ACER1: variants seen among roughly 807,000 people sequenced by gnomAD.
ACER1 encodes the protein CTB-180A7.3.
Under a neutral mutation model 24.9 loss-of-function variants are expected in ACER1, and 28 were observed. The observed-to-expected ratio is 1.13, with a 90% CI of 0.83 to 1.54. The LOEUF is 1.54. ACER1 is among the 40% of genes most tolerant of loss of function. The pLI is 0.00. For missense variants in ACER1, 352 were observed against 349.3 expected (o/e 1.01, Z -0.06); for synonymous variants, 132 against 131.4 (o/e 1.00, Z -0.03).
the ACER1 span, among the ~76,000 whole-genome samples, chr19:6,353,851 T>TAATAA: frequency 1.8e-4 from 27 of 150,302 alleles, no homozygotes; most frequent in South Asian, 3.6e-3. Context: ...TACAATAAAA[T>TAATAA]AATAAAATAA....
chr19:6,354,214 G>A, the ACER1 span, among the ~76,000 whole-genome samples: 1 of 151,244 alleles, frequency 6.6e-6, no homozygotes, highest in South Asian at 2.1e-4. Context: ...AAATAAATAA[G>A]TAAATAAATA....
chr19:6,312,665 C>T (rs2091587899), intron 1 of ACER1, among the ~76,000 whole-genome samples, 166 bp from the exon 2 acceptor site: 1 of 145,864 alleles, frequency 6.9e-6, no homozygotes, highest in Admixed American at 6.8e-5. Flanking sequence ...TTTCAGCCGA[C>T]CCTTTTTTTT....
chr19:6,332,028 G>A (rs1201897224), intron 1 of ACER1, among the ~76,000 whole-genome samples: 4 of 147,118 alleles, frequency 2.7e-5, no homozygotes, highest in Non-Finnish European at 6.0e-5. Context: ...GTGCAATGGT[G>A]CGATCTCGGC....
chr19:6,352,725 G>T, the ACER1 span, among the ~76,000 whole-genome samples: 2 of 152,194 alleles, frequency 1.3e-5, no homozygotes, highest in South Asian at 2.1e-4. Flanking sequence ...TTGAAATTTG[G>T]TGTCAACTTT....
the ACER1 span, among the ~76,000 whole-genome samples, chr19:6,351,844 C>A: frequency 3.3e-5 from 5 of 152,000 alleles, no homozygotes; most frequent in African/African-American, 7.2e-5. Flanking sequence ...ATCACAACGC[C>A]AGGAGATCAA....
At chr19:6,322,336 G>A (rs1426593770) in intron 1 of ACER1, among the ~76,000 whole-genome samples, 1 of 152,172 alleles carries the variant, frequency 6.6e-6, no homozygotes, top group Non-Finnish European at 1.5e-5. Flanking sequence ...CTATTTAAAA[G>A]GATGCTTTTG....
intron 1 of ACER1, among the ~76,000 whole-genome samples, chr19:6,333,098 C>CT: frequency 6.6e-6 from 1 of 152,070 alleles, no homozygotes; most frequent in South Asian, 2.1e-4. Flanking sequence ...CTGATTGGCC[C>CT]ACCCCCTCTA....
intron 1 of ACER1, among the ~76,000 whole-genome samples, chr19:6,331,081 C>A (rs1425559925): frequency 6.7e-6 from 1 of 149,424 alleles, no homozygotes; most frequent in Non-Finnish European, 1.5e-5. Context: ...TCTAACTCCC[C>A]ATGTCACTGT....
chr19:6,341,405 G>A, the ACER1 span, among the ~76,000 whole-genome samples: 1 of 150,772 alleles, frequency 6.6e-6, no homozygotes, highest in African/African-American at 2.4e-5. Context: ...CACACGTGTG[G>A]TCTTAACTTC....
upstream of ACER1, among the ~76,000 whole-genome samples, chr19:6,336,263 C>T (rs1036129752): frequency 1.3e-5 from 2 of 151,432 alleles, no homozygotes; most frequent in Non-Finnish European, 2.9e-5. Flanking sequence ...GTGGCGCAAT[C>T]ATAGTTCAAT....
intron 1 of ACER1, among the ~76,000 whole-genome samples, chr19:6,325,289 C>T (rs374482382): frequency 2.6e-5 from 4 of 152,316 alleles, no homozygotes; most frequent in South Asian, 2.1e-4. Flanking sequence ...TCTCCCCCAT[C>T]GACTGGGGAG....
At chr19:6,327,381 C>T (rs1488132137) in intron 1 of ACER1, among the ~76,000 whole-genome samples, 2 of 151,646 alleles carry the variant, frequency 1.3e-5, no homozygotes, top group Admixed American at 6.6e-5. Context: ...CTGGCTAACA[C>T]GGTGAAACCC....
At chr19:6,355,886 G>A in the ACER1 span, among the ~76,000 whole-genome samples, 5 of 150,834 alleles carry the variant, frequency 3.3e-5, no homozygotes, top group Admixed American at 6.6e-5. Flanking sequence ...GCCTCGGTCC[G>A]GGAGGTGAGG....
At chr19:6,350,691 A>G in the ACER1 span, among the ~76,000 whole-genome samples, 3 of 151,858 alleles carry the variant, frequency 2.0e-5, no homozygotes, top group Non-Finnish European at 4.4e-5. Context: ...AGGAGAAGAA[A>G]AAAGAGGATG....
At chr19:6,314,749 G>A (rs896367436) in intron 1 of ACER1, among the ~76,000 whole-genome samples, 2 of 152,084 alleles carry the variant, frequency 1.3e-5, no homozygotes, top group Admixed American at 6.6e-5. Context: ...CAAAGGAAAC[G>A]AAATCATTAT....
chr19:6,353,786 T>C, the ACER1 span, among the ~76,000 whole-genome samples: 5 of 150,848 alleles, frequency 3.3e-5, no homozygotes, highest in African/African-American at 9.8e-5. Context: ...GATCACACCA[T>C]TGCACTCCGG....
chr19:6,358,272 G>T, the ACER1 span, among the ~76,000 whole-genome samples: 1 of 152,192 alleles, frequency 6.6e-6, no homozygotes, highest in Non-Finnish European at 1.5e-5. Context: ...TCCACCGTGA[G>T]GCCCTGCCTG....
chr19:6,328,650 G>A (rs2091672965), intron 1 of ACER1, among the ~76,000 whole-genome samples: 1 of 151,832 alleles, frequency 6.6e-6, no homozygotes, highest in Admixed American at 6.6e-5. Context: ...TGGCAGCATA[G>A]CAAGACCCCA....
At chr19:6,347,561 C>A in the ACER1 span, among the ~76,000 whole-genome samples, 1 of 151,540 alleles carries the variant, frequency 6.6e-6, no homozygotes, top group Non-Finnish European at 1.5e-5. Context: ...GATGGCCGGG[C>A]GTGGTGGTTC....
Sources: allele counts gnomAD v4.1 joint callset (sites outside exome capture counted in the v4.1 genomes callset), GRCh38; gene constraint gnomAD v4.1.1; transcripts MANE v1.5; gene names NCBI Gene and HGNC (gene_info 2026-07-23, HGNC 2026-07-21).